The following ATF1 variants were observed in gnomAD, a reference collection of about 807,000 sequenced individuals.
ATF1 encodes activating transcription factor 1, also known as cyclic AMP-dependent transcription factor ATF-1.
A neutral mutation model predicts 34.7 loss-of-function variants in ATF1; 16 were observed. That is an observed-to-expected ratio of 0.46 (90% CI 0.31 to 0.70). The LOEUF is 0.70. ATF1 is among the 30% of genes least tolerant of loss of function. The pLI, the probability that ATF1 is intolerant of heterozygous loss-of-function variation, is 0.05. For synonymous variants in ATF1, 105 were observed against 113.1 expected (o/e 0.93, Z 0.46); for missense variants, 255 against 321.6 (o/e 0.79, Z 1.58).
chr12:50,778,484 A>G (rs1260213709), intron 1 of ATF1, among the ~76,000 whole-genome samples: 1 of 151,934 alleles, frequency 6.6e-6, no homozygotes, highest in Non-Finnish European at 1.5e-5. Flanking sequence ...CGGCCTCCCA[A>G]AGTGCTGAGA....
chr12:50,788,118 C>T, intron 2 of ATF1: 1 of 415,884 alleles, frequency 2.4e-6, no homozygotes, highest in Non-Finnish European at 4.7e-6. Flanking sequence ...GAGTGATGGT[C>T]AGCTGTGTAA....
chr12:50,807,399 G>A (rs1225431740), intron 3 of ATF1, among the ~76,000 whole-genome samples: 1 of 151,994 alleles, frequency 6.6e-6, no homozygotes, highest in Non-Finnish European at 1.5e-5. Flanking sequence ...GTGAGGCTCT[G>A]TCTCAAAAGA....
chr12:50,807,373 C>T (rs979131387), intron 3 of ATF1, among the ~76,000 whole-genome samples: 2 of 152,048 alleles, frequency 1.3e-5, no homozygotes, highest in Non-Finnish European at 2.9e-5. Context: ...CACTGTACTC[C>T]AGCCTGGGCA....
At chr12:50,773,675 C>T (rs1004431506) in intron 1 of ATF1, among the ~76,000 whole-genome samples, 8 of 151,964 alleles carry the variant, frequency 5.3e-5, no homozygotes, top group Admixed American at 1.3e-4. Context: ...GCATCGTTTC[C>T]GCCTCCTGGG....
At chr12:50,794,229 C>T (rs189322871) in intron 2 of ATF1, among the ~76,000 whole-genome samples, 1,571 of 151,282 alleles carry the variant, frequency 0.01, 27 homozygotes, top group African/African-American at 0.036. Context: ...GGATTACAGG[C>T]GTGAGCCACC....
chr12:50,776,332 A>AT (rs1349503753), intron 1 of ATF1, among the ~76,000 whole-genome samples: 2 of 146,542 alleles, frequency 1.4e-5, no homozygotes, highest in South Asian at 2.2e-4. Flanking sequence ...GAAAAAAAAA[A>AT]TTTTTTTTTA....
chr12:50,772,800 T>A (rs1940809557), intron 1 of ATF1, among the ~76,000 whole-genome samples: 1 of 152,124 alleles, frequency 6.6e-6, no homozygotes, highest in Non-Finnish European at 1.5e-5. Flanking sequence ...GCACAGGATG[T>A]GCAGGTTTAC....
Position 50,819,692 on chromosome 12 carries a change from C to G in ATF1, c.729C>G (p.Asn243Lys). 6.2e-7 allele frequency: 1 copy of G among 1,612,504 alleles called. No homozygotes were observed. Among genetic ancestry groups the G allele is most frequent in the Non-Finnish European group, 8.5e-7 (1 of 1,179,268 alleles). ...AAGAATATGTGAAATGCCTGGAAAA[C>G]CGAGTTGCAGTCCTGGAAAATCAAA... Reference protein sequence around the residue: ...KKKEYVKCLENRVAVLENQNK... With the variant: ...KKKEYVKCLEKRVAVLENQNK... Residue 243 changes from asparagine to lysine, a missense_variant, in exon 7 of 7, where the codon AAC becomes AAG. Coordinates refer to ENST00000262053, the MANE Select transcript of ATF1 (RefSeq NM_005171.5).
chr12:50,779,463 G>A (rs1053465380), intron 1 of ATF1, among the ~76,000 whole-genome samples: 3 of 151,810 alleles, frequency 2.0e-5, no homozygotes, highest in Non-Finnish European at 4.4e-5. Flanking sequence ...GGGTATGTAT[G>A]AGGTGATATT....
chr12:50,793,160 A>G (rs1941339823), intron 2 of ATF1, among the ~76,000 whole-genome samples: 1 of 152,082 alleles, frequency 6.6e-6, no homozygotes, highest in South Asian at 2.1e-4. Flanking sequence ...GGATTTTTTT[A>G]GTGTTTATAT....
At chr12:50,816,175 A>C (rs1941839237) in intron 6 of ATF1, among the ~76,000 whole-genome samples, 1 of 152,028 alleles carries the variant, frequency 6.6e-6, no homozygotes, top group African/African-American at 2.4e-5. Flanking sequence ...AAAAGATAAA[A>C]AATTAGCCAG....
At chr12:50,782,848 A>T (rs1389870591) in intron 2 of ATF1, among the ~76,000 whole-genome samples, 5 of 151,358 alleles carry the variant, frequency 3.3e-5, no homozygotes, top group Non-Finnish European at 7.4e-5. Flanking sequence ...CACTGCCACG[A>T]CCAGCTAATT....
Position 50,764,286 on chromosome 12 carries a change from AGCGGCGAG to A in ATF1, c.-22_-15del, listed in dbSNP as rs1490704300. ...GGGAGTGGAAGTTCCCGCCCCGGAG[AGCGGCGAG>A]GCGGCAGCCACAGGTAAGTGGGGGG... On this transcript the variant is annotated 5_prime_UTR_variant, in exon 1 of 7. Coordinates refer to ENST00000262053, the MANE Select transcript of ATF1 (RefSeq NM_005171.5). 4 of 151,154 alleles carry A rather than the reference AGCGGCGAG, an allele frequency of 2.6e-5. No homozygotes were observed. Among genetic ancestry groups the A allele is most frequent in the African/African-American group, 9.8e-5 (4 of 40,992 alleles). The allele number at this position is 151,154 out of a possible 1,614,324, so 9.4% of individuals were successfully genotyped here. A position where few individuals can be genotyped will look rare whatever the true frequency, so the allele number is the denominator to read the frequency against.
At chr12:50,796,145 C>T in intron 3 of ATF1, 136 bp downstream of exon 3, 1 of 721,020 alleles carries the variant, frequency 1.4e-6, no homozygotes, top group Non-Finnish European at 2.2e-6. Context: ...CGCCTATAAT[C>T]CCAACCCTTT....
intron 2 of ATF1, among the ~76,000 whole-genome samples, chr12:50,784,881 A>T (rs1273791725): frequency 2.7e-5 from 4 of 149,930 alleles, no homozygotes; most frequent in East Asian, 3.9e-4. Context: ...TTTATTTTTT[A>T]TTTATTTATT....
chr12:50,769,347 A>C (rs1248101315), intron 1 of ATF1, among the ~76,000 whole-genome samples: 1 of 152,120 alleles, frequency 6.6e-6, no homozygotes, highest in Admixed American at 6.6e-5. Context: ...TCTATCAAAA[A>C]ATACAAAAGT....
chr12:50,796,557 C>T (rs903175499), intron 3 of ATF1, among the ~76,000 whole-genome samples: 4 of 152,088 alleles, frequency 2.6e-5, no homozygotes, highest in South Asian at 2.1e-4. Context: ...AAAAATTAGC[C>T]GGGTGTGGTA....
At chr12:50,782,604 A>G (rs1471027943) in intron 2 of ATF1, among the ~76,000 whole-genome samples, 1 of 129,878 alleles carries the variant, frequency 7.7e-6, no homozygotes, top group Non-Finnish European at 1.6e-5. Flanking sequence ...TATGTTGCCC[A>G]GGCTGGTGTC....
chr12:50,810,477 T>C (rs1592200509), intron 4 of ATF1, among the ~76,000 whole-genome samples: 1 of 152,168 alleles, frequency 6.6e-6, no homozygotes, highest in Admixed American at 6.5e-5. Flanking sequence ...CACCTTGGCC[T>C]CCCAAAGTGC....
Sources: gnomAD v4.1 joint callset for allele counts (sites outside exome capture counted in the v4.1 genomes callset) on GRCh38, gnomAD v4.1.1 for gene constraint, MANE v1.5 for transcripts, NCBI Gene and HGNC (gene_info 2026-07-23, HGNC 2026-07-21) for gene names.